The following MYCBP2 variants were observed in gnomAD, a reference collection of about 807,000 sequenced individuals.
MYCBP2 encodes the protein MYC binding protein 2.
In MYCBP2, 120 loss-of-function variants were observed where a neutral mutation model predicts 525.3. That is an observed-to-expected ratio of 0.23 (90% CI 0.20 to 0.27). The LOEUF is 0.27. Ranked by LOEUF, MYCBP2 falls within the 10% of genes least tolerant of loss-of-function variation. The pLI is 1.00. For missense variants in MYCBP2, 4,149 were observed against 5,657.1 expected (o/e 0.73, Z 8.55); for synonymous variants, 1,894 against 1,955.8 (o/e 0.97, Z 0.83).
At chr13:77,272,151 T>C (rs1000538600) in intron 5 of MYCBP2, among the ~76,000 whole-genome samples, 2 of 152,250 alleles carry the variant, frequency 1.3e-5, no homozygotes, top group Middle Eastern at 3.2e-3. Context: ...GGCTACGCTA[T>C]TTGACAGCTC....
At chr13:77,272,677 A>G (rs1309377050) in intron 5 of MYCBP2, among the ~76,000 whole-genome samples, 1 of 152,232 alleles carries the variant, frequency 6.6e-6, no homozygotes, top group Non-Finnish European at 1.5e-5. Flanking sequence ...GAAAGGAAGA[A>G]AAGAGCAGAA....
intron 1 of MYCBP2, among the ~76,000 whole-genome samples, chr13:77,304,043 T>A (rs117804568): frequency 7.9e-5 from 12 of 152,206 alleles, no homozygotes; most frequent in Admixed American, 6.5e-4. Flanking sequence ...TGTGAATTAG[T>A]ACAACCATTG....
intron 2 of MYCBP2, among the ~76,000 whole-genome samples, chr13:77,294,170 A>C (rs1249904500): frequency 2.2e-5 from 3 of 138,940 alleles, no homozygotes; most frequent in Non-Finnish European, 4.7e-5. Context: ...TATAAAGTAG[A>C]TATAAAGTAG....
intron 49 of MYCBP2, among the ~76,000 whole-genome samples, chr13:77,143,266 T>C (rs1016659483): frequency 2.0e-5 from 3 of 152,160 alleles, no homozygotes; most frequent in African/African-American, 7.2e-5. Context: ...GACTGGCGTG[T>C]GAGTGTGAGT....
intron 39 of MYCBP2, 23 bp downstream of exon 39, chr13:77,169,591 A>T: frequency 6.4e-7 from 1 of 1,571,232 alleles, no homozygotes; most frequent in Admixed American, 1.7e-5. Flanking sequence ...AAACATTCAA[A>T]GTTATAGAAT....
At chr13:77,283,260 A>G (rs2076385569) in intron 3 of MYCBP2, among the ~76,000 whole-genome samples, 1 of 152,190 alleles carries the variant, frequency 6.6e-6, no homozygotes, top group African/African-American at 2.4e-5. Flanking sequence ...AAGGCCCTTC[A>G]TGATTTAGCT....
At chr13:77,051,548 G>A (rs943691425) in intron 81 of MYCBP2, among the ~76,000 whole-genome samples, 21 of 152,146 alleles carry the variant, frequency 1.4e-4, no homozygotes, top group Admixed American at 7.9e-4. Context: ...TTCACTGCAC[G>A]TTTAAGAAAC....
At position 77,095,344 on chromosome 13, in the gene MYCBP2, C is replaced by T; in HGVS notation, c.10199+14G>A. On this transcript the variant is annotated intron_variant, in intron 58 of 82. Coordinates refer to ENST00000544440, the MANE Select transcript of MYCBP2 (RefSeq NM_015057.5). The stretch of plus-strand genomic sequence containing the variant: ...TCCAAAGGTGATTAAAAAACAACAG[C>T]AAAATTTTATTACCTAGCTAATGTC... The T allele has an allele frequency of 6.2e-7, 1 of 1,612,148 alleles. No individual in the cohort carries two copies. The highest frequency in any genetic ancestry group is 8.5e-7 in the Non-Finnish European group (1 of 1,179,054).
intron 4 of MYCBP2, among the ~76,000 whole-genome samples, chr13:77,274,158 T>A (rs771313912): frequency 6.6e-6 from 1 of 152,222 alleles, no homozygotes; most frequent in Non-Finnish European, 1.5e-5. Context: ...GTAATTCATT[T>A]ATACCCTAGA....
At chr13:77,054,601 G>C (rs889265244) in intron 80 of MYCBP2, among the ~76,000 whole-genome samples, 1 of 150,386 alleles carries the variant, frequency 6.6e-6, no homozygotes, top group Admixed American at 6.7e-5. Flanking sequence ...GATTGGTAAA[G>C]TCTTTTTTTT....
chr13:77,235,591 T>C (rs974693743), intron 17 of MYCBP2, among the ~76,000 whole-genome samples: 2 of 152,114 alleles, frequency 1.3e-5, no homozygotes, highest in Non-Finnish European at 2.9e-5. Context: ...TAACCTGCTT[T>C]CAATTAGTCA....
chr13:77,072,054 C>T (rs1303935926), intron 68 of MYCBP2, among the ~76,000 whole-genome samples: 3 of 151,788 alleles, frequency 2.0e-5, no homozygotes, highest in East Asian at 1.9e-4. Flanking sequence ...TTTGGGAGGC[C>T]GAGGTGGGTG....
chr13:77,246,879 T>C (rs1382832817), intron 15 of MYCBP2, among the ~76,000 whole-genome samples: 1 of 152,064 alleles, frequency 6.6e-6, no homozygotes, highest in Admixed American at 6.6e-5. Flanking sequence ...CACATGATCA[T>C]CTCAATTGAT....
At chr13:77,077,111 A>G in intron 67 of MYCBP2, 37 bp downstream of exon 67, 1 of 1,594,238 alleles carries the variant, frequency 6.3e-7, no homozygotes. Flanking sequence ...TATTACATCA[A>G]TTATCCTGTG....
rs1222692012 is a variant in MYCBP2, at chr13:77,246,521, A to AAGGAGGAAAAGAAGGAGAAGGAGGAGG, written c.2382-2597_2382-2571dup. 4.0e-5 allele frequency among the ~76,000 whole-genome samples: 6 copies of AAGGAGGAAAAGAAGGAGAAGGAGGAGG among 150,646 alleles called. 1 individual carries two copies. Among genetic ancestry groups the AAGGAGGAAAAGAAGGAGAAGGAGGAGG allele is most frequent in the African/African-American group, 1.5e-4 (6 of 40,904 alleles). ...GAAGGAAAAGAAGGAGAAGGAGGAG[A>AAGGAGGAAAAGAAGGAGAAGGAGGAGG]AGGAGGAAAAGAAGGAGAAGGAGGA... On this transcript the variant is annotated intron_variant, in intron 15 of 82. Transcript: ENST00000544440.
chr13:77,206,137 A>G (rs888878321), intron 24 of MYCBP2, among the ~76,000 whole-genome samples: 1 of 152,080 alleles, frequency 6.6e-6, no homozygotes, highest in Non-Finnish European at 1.5e-5. Flanking sequence ...ACATAGTTAC[A>G]TAGAGTGATA....
intron 22 of MYCBP2, 39 bp from the exon 23 acceptor site, chr13:77,211,359 T>C: frequency 9.4e-7 from 1 of 1,065,726 alleles, no homozygotes; most frequent in Non-Finnish European, 1.2e-6. Flanking sequence ...TTAATATATA[T>C]TACCCTTTTA....
At position 77,082,225 on chromosome 13, in the gene MYCBP2, T is replaced by C. The variant is rs142478549; in HGVS notation, c.11037-232A>G. 1,796 of 418,242 alleles carry C rather than the reference T, an allele frequency of 4.3e-3. 2 individuals are homozygous for C. Among genetic ancestry groups the C allele is most frequent in the East Asian group, 6.8e-3 (164 of 24,222 alleles). 25.9% of individuals were successfully genotyped at this position (418,242 alleles called of 1,614,324 possible). ...AAGGAAAGTTGACCCATTTTAAATA[T>C]AAAAGAATTAGACAGATGAAGATCA... is the stretch of plus-strand genomic sequence containing the variant. On this transcript the variant is annotated intron_variant, in intron 63 of 82. Transcript: ENST00000544440.
At chr13:77,075,624 C>T (rs1442844364) in intron 68 of MYCBP2, 1 of 152,220 alleles carries the variant, frequency 6.6e-6, no homozygotes, top group East Asian at 1.9e-4. Flanking sequence ...TTTTTTCACA[C>T]ATTTAATAAC....
Sources: allele counts gnomAD v4.1 joint callset (sites outside exome capture counted in the v4.1 genomes callset), GRCh38; gene constraint gnomAD v4.1.1; transcripts MANE v1.5; gene names NCBI Gene and HGNC (gene_info 2026-07-23, HGNC 2026-07-21).